Variants in ALOX12 observed in about 807,000 individuals in gnomAD.
ALOX12 encodes the protein arachidonate 12-lipoxygenase, 12S type, also known as polyunsaturated fatty acid lipoxygenase ALOX12.
A neutral mutation model predicts 85.5 loss-of-function variants in ALOX12; 62 were observed. The ratio of observed to expected loss-of-function variants is 0.73; its 90% CI spans 0.59 to 0.90. The LOEUF is 0.90. Among genes scored for constraint, ALOX12 ranks in the 40% least tolerant of loss-of-function variants. ALOX12 has a pLI of 0.00. For synonymous variants in ALOX12, 299 were observed against 332.7 expected (o/e 0.90, Z 1.10); for missense variants, 751 against 856.5 (o/e 0.88, Z 1.54).
At chr17:6,998,910 C>G in intron 4 of ALOX12, 43 bp from the exon 5 acceptor site, 1 of 1,613,906 alleles carries the variant, frequency 6.2e-7, no homozygotes, top group Non-Finnish European at 8.5e-7. Flanking sequence ...CGGTGAGGGA[C>G]TGAGGGATCA....
intron 11 of ALOX12, among the ~76,000 whole-genome samples, chr17:7,008,253 C>A (rs902229272): frequency 6.6e-6 from 1 of 152,178 alleles, no homozygotes; most frequent in African/African-American, 2.4e-5. Flanking sequence ...AACCACCCTC[C>A]CCCCTGTTCT....
chr17:7,001,489 G>A, intron 7 of ALOX12, 113 bp from the exon 8 acceptor site: 1 of 1,141,464 alleles, frequency 8.8e-7, no homozygotes, highest in Non-Finnish European at 1.3e-6. Context: ...CCTCCTGCTA[G>A]ACTATAACCT....
intron 2 of ALOX12, among the ~76,000 whole-genome samples, chr17:6,997,977 C>T (rs1908534453): frequency 6.6e-6 from 1 of 151,108 alleles, no homozygotes; most frequent in South Asian, 2.1e-4. Context: ...AGTGTAAATG[C>T]AGAAAAGACC....
chr17:7,005,945 G>C lies in ALOX12; in HGVS notation c.1336G>C (p.Asp446His). 6.2e-7 allele frequency: 1 copy of C among 1,613,276 alleles called. No homozygotes were observed. Among genetic ancestry groups the C allele is most frequent in the Non-Finnish European group, 8.5e-7 (1 of 1,179,780 alleles). The change falls in exon 10 of 14, where the codon GAC (aspartate) becomes CAC (histidine). Residue 446 changes from aspartate (D) to histidine (H), a missense_variant. Coordinates refer to ENST00000251535, the MANE Select transcript of ALOX12 (RefSeq NM_000697.3). ...LTYCSLCPPD[D>H]LADRGLLGLP... is the part of the protein sequence containing the mutation. ...CTACTGCTCCCTCTGTCCTCCTGAC[G>C]ACCTGGCTGACCGGGGCCTGCTGGG...
intron 7 of ALOX12, chr17:7,001,269 C>A: frequency 6.6e-6 from 2 of 302,392 alleles, no homozygotes; most frequent in South Asian, 3.9e-5. Context: ...CTATTCTTAA[C>A]AGTCAGGTGA....
intron 10 of ALOX12, 57 bp from the exon 11 acceptor site, chr17:7,006,429 G>A: frequency 6.2e-7 from 1 of 1,609,962 alleles, no homozygotes; most frequent in East Asian, 2.2e-5. Flanking sequence ...ACAGAAAGAG[G>A]AATAGAGGTC....
chr17:7,005,630 G>A (rs560683777), intron 9 of ALOX12, among the ~76,000 whole-genome samples: 8 of 151,812 alleles, frequency 5.3e-5, no homozygotes, highest in South Asian at 2.1e-4. Flanking sequence ...ACAGGCGCCC[G>A]CCACCATGCC....
Position 7,006,016 on chromosome 17 carries a change from G to C in ALOX12, c.1407G>C (p.Glu469Asp), listed in dbSNP as rs1909031164. The C allele has an allele frequency of 6.9e-7, 1 of 1,454,524 alleles. No homozygotes were observed. The highest frequency in any genetic ancestry group is 9.2e-7 in the Non-Finnish European group (1 of 1,084,858). 90.1% of individuals were successfully genotyped at this position (1,454,524 alleles called of 1,614,324 possible). ...LYAHDALRLW[E>D]IIARYVEGIV... The stretch of plus-strand genomic sequence containing the variant: ...CCCATGATGCTTTACGGCTCTGGGA[G>C]ATCATTGCCAGGTGAGTAAGGAGGA... The change falls in exon 10 of 14, where the codon GAG (glutamate) becomes GAC (aspartate). Residue 469 changes from glutamate (E) to aspartate (D), a missense_variant. By Grantham distance (45) the Glu-to-Asp change is conservative (BLOSUM62 2). Coordinates refer to ENST00000251535, the MANE Select transcript of ALOX12 (RefSeq NM_000697.3).
chr17:6,998,527 A>G lies in ALOX12; in HGVS notation c.356A>G (p.Asn119Ser), dbSNP rs1328825455. 1.2e-6 allele frequency: 2 copies of G among 1,613,762 alleles called. No individual in the cohort carries two copies. Among genetic ancestry groups the G allele is most frequent in the Admixed American group, 3.3e-5 (2 of 59,994 alleles). The change falls in exon 3 of 14, where the codon AAT becomes AGT. Residue 119 changes from asparagine to serine, a missense_variant. Physicochemically the swap from Asn to Ser is conservative, Grantham distance 46. Coordinates refer to ENST00000251535, the MANE Select transcript of ALOX12 (RefSeq NM_000697.3). ...TCCCCAGCCCGCCTGCCAGGAGACA[A>G]TGCTTTGGACATGTTCCAGAAGCAT... ...PEGTARLPGD[N>S]ALDMFQKHRE...
chr17:6,996,338 G>C (rs1055671135), intron 1 of ALOX12, 86 bp downstream of exon 1: 135 of 1,198,302 alleles, frequency 1.1e-4, no homozygotes, highest in Non-Finnish European at 1.4e-4. Context: ...GGGAGGGCGG[G>C]AGGCTGGGGG....
chr17:7,000,244 C>G lies in ALOX12; in HGVS notation c.808-92C>G. 5 of 1,466,452 alleles carry G rather than the reference C, an allele frequency of 3.4e-6. No homozygotes were observed. The highest frequency in any genetic ancestry group is 2.5e-5 in the South Asian group (2 of 80,030). The allele number at this position is 1,466,452 out of a possible 1,614,324, so 90.8% of individuals were successfully genotyped here. A position where few individuals can be genotyped will look rare whatever the true frequency, so the allele number is the denominator to read the frequency against. ...CTCCGGTACTGATGCAGGAGAATGG[C>G]AAGAAGCTAGACTAAATCTCTTGCC... On this transcript the variant is annotated intron_variant, in intron 6 of 13. Coordinates refer to ENST00000251535, the MANE Select transcript of ALOX12 (RefSeq NM_000697.3). The surrounding 1 kb of genome is among the most constrained non-coding windows in gnomAD (Gnocchi z 4.6).
rs1908715786 is a variant in ALOX12 at position 7,001,654 on chromosome 17, A to AC, written c.1010dup (p.Leu338ThrfsTer32). The AC allele has an allele frequency of 1.9e-6, 3 of 1,613,914 alleles. No individual in the cohort carries two copies. Among genetic ancestry groups the AC allele is most frequent in the African/African-American group, 2.7e-5 (2 of 74,926 alleles). On this transcript the variant is annotated frameshift_variant, in exon 8 of 14. Coordinates refer to ENST00000251535, the MANE Select transcript of ALOX12 (RefSeq NM_000697.3). LOFTEE classifies it high-confidence loss of function. Reference sequence around the variant, plus strand: ...ACCCCAACACTGTTCCTGCCCTCAGACCCCCCACTTGCCTGGCTCCTGGCA... The same window carrying AC: ...ACCCCAACACTGTTCCTGCCCTCAGACCCCCCCACTTGCCTGGCTCCTGGCA...
intron 8 of ALOX12, among the ~76,000 whole-genome samples, chr17:7,004,204 A>T (rs995786285): frequency 2.1e-5 from 3 of 143,904 alleles, no homozygotes; most frequent in Non-Finnish European, 4.5e-5. Context: ...TAAATTTTTA[A>T]TTTTAATATT....
At chr17:6,996,329 G>A in intron 1 of ALOX12, 77 bp downstream of exon 1, 1 of 1,210,128 alleles carries the variant, frequency 8.3e-7, no homozygotes, top group Non-Finnish European at 1.0e-6. Flanking sequence ...GCTCGCGGCG[G>A]GAGGGCGGGA....
Position 7,009,790 on chromosome 17 carries a change from C to T in ALOX12, c.1584C>T (p.Phe528=), listed in dbSNP as rs763754405. The change falls in exon 12 of 14, where the codon TTC becomes TTT. Residue 528 remains phenylalanine (F), a synonymous_variant. Transcript: ENST00000251535. ...SFQSQSQLCH[F]LTMCVFTCTA... ...AGTCCCAGAGTCAACTCTGCCATTT[C>T]CTCACCATGTGCGTCTTCACGTGCA... is the stretch of plus-strand genomic sequence containing the variant. 3.1e-6 allele frequency: 5 copies of T among 1,614,232 alleles called. No individual in the cohort carries two copies. In the South Asian group the frequency reaches 5.5e-5, roughly 18 times the overall value.
chr17:7,006,490 G>A lies in ALOX12; in HGVS notation c.1423G>A (p.Val475Met). 1.2e-6 allele frequency: 2 copies of A among 1,613,708 alleles called. No individual in the cohort carries two copies. The highest frequency in any genetic ancestry group is 1.7e-6 in the Non-Finnish European group (2 of 1,179,936). ...LRLWEIIARY[V>M]EGIVHLFYQR... ...GTGCCTTTTCCCCCTGGGCAGGTAT[G>A]TGGAGGGGATCGTCCACCTCTTCTA... The change falls in exon 11 of 14, where the codon GTG becomes ATG. Residue 475 changes from valine (V) to methionine (M), a missense_variant. Physicochemically the swap from Val to Met is conservative, Grantham distance 21. Coordinates refer to ENST00000251535, the MANE Select transcript of ALOX12 (RefSeq NM_000697.3).
chr17:7,004,161 T>TAAA lies in ALOX12; in HGVS notation c.1162-1096_1162-1095insAAA, dbSNP rs1371167005. Among the ~76,000 whole-genome samples, 49 of 115,658 alleles carry TAAA rather than the reference T, an allele frequency of 4.2e-4. 1 individual carries two copies. The highest frequency in any genetic ancestry group is 6.6e-4 in the Non-Finnish European group (37 of 56,324). 75.9% of individuals were successfully genotyped at this position (115,658 alleles called of 152,430 possible). On this transcript the variant is annotated intron_variant, in intron 8 of 13. Transcript: ENST00000251535. ...TAATTAAAATTTAAATAAATTTAAA[T>TAAA]TTAAAATTTAAATTTAATTTTAAAT...
chr17:7,010,287 A>C lies in ALOX12; in HGVS notation c.1856A>C (p.Lys619Thr). The change falls in exon 14 of 14, where the codon AAG becomes ACG. Residue 619 changes from lysine (K) to threonine (T), a missense_variant. Physicochemically the swap from Lys to Thr is moderately conservative, Grantham distance 78. Coordinates refer to ENST00000251535, the MANE Select transcript of ALOX12 (RefSeq NM_000697.3). ...AAAGAAAAATATTTCTCAGGCCCCA[A>C]GCCCAAAGCTGTGCTAAACCAATTC... ...HHKEKYFSGP[K>T]PKAVLNQFRT... The C allele has an allele frequency of 6.2e-7, 1 of 1,614,186 alleles. No homozygotes were observed. Among genetic ancestry groups the C allele is most frequent in the Non-Finnish European group, 8.5e-7 (1 of 1,180,044 alleles).
At chr17:6,997,404 G>C (rs1299738875) in intron 2 of ALOX12, among the ~76,000 whole-genome samples, 1 of 151,970 alleles carries the variant, frequency 6.6e-6, no homozygotes, top group African/African-American at 2.4e-5. Flanking sequence ...ACAGGAGGGG[G>C]TGGGTGACCC....
Sources: allele counts gnomAD v4.1 joint callset (sites outside exome capture counted in the v4.1 genomes callset), GRCh38; gene constraint gnomAD v4.1.1; non-coding constraint Gnocchi (gnomAD v3.1); transcripts MANE v1.5; gene names NCBI Gene and HGNC (gene_info 2026-07-23, HGNC 2026-07-21).